The following TRIO variants were observed in gnomAD, a reference collection of about 807,000 sequenced individuals.
TRIO encodes triple functional domain protein.
TRIO carries 58 observed loss-of-function variants against 351.9 expected under a neutral mutation model. The observed-to-expected ratio is 0.16, with a 90% CI of 0.13 to 0.21. The LOEUF is 0.21. TRIO is among the 10% of genes least tolerant of loss of function. The probability of loss-of-function intolerance (pLI) is 1.00; values close to 1 mark genes in which losing one functional copy is unlikely to be tolerated. For missense variants in TRIO, 3,201 were observed against 4,027.8 expected, an observed-to-expected ratio of 0.79 and a Z score of 5.56; for synonymous variants, 1,758 against 1,595.7, an observed-to-expected ratio of 1.10 and a Z score of -2.42.
chr5:14,151,069 C>T (rs1389803505), intron 1 of TRIO, among the ~76,000 whole-genome samples: 3 of 152,138 alleles, frequency 2.0e-5, no homozygotes, highest in Admixed American at 6.5e-5. Context: ...TGATCTTCAG[C>T]GCCTCACAGT....
chr5:14,237,877 T>A (rs916132163), intron 1 of TRIO, among the ~76,000 whole-genome samples: 8 of 152,224 alleles, frequency 5.3e-5, no homozygotes, highest in African/African-American at 1.9e-4. Flanking sequence ...AGGTTGCTAC[T>A]ATTTGAGGTA....
At chr5:14,219,995 T>A (rs1792494256) in intron 1 of TRIO, among the ~76,000 whole-genome samples, 1 of 151,634 alleles carries the variant, frequency 6.6e-6, no homozygotes, top group South Asian at 2.1e-4. Flanking sequence ...TTTTTGCACT[T>A]TGTTCTATTG....
chr5:14,204,853 C>A (rs1332990615), intron 1 of TRIO, among the ~76,000 whole-genome samples: 1 of 152,198 alleles, frequency 6.6e-6, no homozygotes, highest in African/African-American at 2.4e-5. Context: ...ATTCACTGGG[C>A]TGTTCGGATG....
At chr5:14,149,797 A>G (rs925426443) in intron 1 of TRIO, among the ~76,000 whole-genome samples, 18 of 152,198 alleles carry the variant, frequency 1.2e-4, no homozygotes, top group African/African-American at 4.3e-4. Context: ...TTTGTCATCA[A>G]TGAGTGCATT....
At chr5:14,421,227 A>ATTTATTTATTTATTTTATTTTAT in intron 34 of TRIO, among the ~76,000 whole-genome samples, 1 of 118,084 alleles carries the variant, frequency 8.5e-6, no homozygotes, top group Non-Finnish European at 1.7e-5. Context: ...TTATTTATTT[A>ATTTATTTATTTATTTTATTTTAT]TTTATTTTAT....
Position 14,387,864 on chromosome 5 carries a change from G to A in TRIO, c.3881+17G>A, listed in dbSNP as rs2152361918. The A allele has an allele frequency of 1.9e-6, 3 of 1,610,452 alleles. No homozygotes were observed. Among genetic ancestry groups the A allele is most frequent in the East Asian group, 2.2e-5 (1 of 44,864 alleles). On this transcript the variant is annotated intron_variant, in intron 23 of 56. Transcript: ENST00000344204. ...CAGGAAAGAGTAAGCCAGTCTTTCA[G>A]AATCTACCAGGATTCACTGGAAAAG...
At chr5:14,424,645 C>CAAGATCAGCTCTCAGG (rs1308427632) in intron 34 of TRIO, among the ~76,000 whole-genome samples, 2 of 152,164 alleles carry the variant, frequency 1.3e-5, no homozygotes, top group African/African-American at 4.8e-5. Context: ...TGGGCACTAC[C>CAAGATCAGCTCTCAGG]AAGATCAGCT....
chr5:14,294,830 T>C (rs1737206321), intron 6 of TRIO, among the ~76,000 whole-genome samples: 1 of 152,238 alleles, frequency 6.6e-6, no homozygotes, highest in South Asian at 2.1e-4. Context: ...AAGTACTGTA[T>C]AAATGTTAAT....
At chr5:14,373,776 C>T (rs963714728) in intron 18 of TRIO, among the ~76,000 whole-genome samples, 2 of 152,270 alleles carry the variant, frequency 1.3e-5, no homozygotes, top group East Asian at 1.9e-4. Context: ...GTAGTTGTGA[C>T]GGAGAAACAG....
chr5:14,251,480 G>A (rs1017791314), intron 1 of TRIO, among the ~76,000 whole-genome samples: 3 of 152,242 alleles, frequency 2.0e-5, no homozygotes, highest in Non-Finnish European at 2.9e-5. Context: ...ACTGGAGATG[G>A]CAAGGAACAC....
chr5:14,404,939 T>TC (rs1481179902), intron 31 of TRIO, among the ~76,000 whole-genome samples: 2 of 152,204 alleles, frequency 1.3e-5, no homozygotes, highest in Admixed American at 6.5e-5. Context: ...TGTGACCTCA[T>TC]CTACGATGAG....
At position 14,308,099 on chromosome 5, in the gene TRIO, TAC is replaced by T. The variant is rs1302509418; in HGVS notation, c.1500+3509_1500+3510del. ...CGTCTCACTAAGTGGGATGGTTCCT[TAC>T]AGTATTGTATGGTGTTTAGAATTTT... is the stretch of plus-strand genomic sequence containing the variant. On this transcript the variant is annotated intron_variant, in intron 8 of 56. Coordinates refer to ENST00000344204, the MANE Select transcript of TRIO (RefSeq NM_007118.4). Among the ~76,000 whole-genome samples the T allele has an allele frequency of 3.9e-5, 6 of 152,300 alleles. 1 individual carries two copies. Among genetic ancestry groups the T allele is most frequent in the Non-Finnish European group, 8.8e-5 (6 of 68,022 alleles).
At chr5:14,346,145 G>T (rs1742396006) in intron 11 of TRIO, among the ~76,000 whole-genome samples, 1 of 152,140 alleles carries the variant, frequency 6.6e-6, no homozygotes, top group Admixed American at 6.5e-5. Flanking sequence ...TTTGGGTTTT[G>T]TTATCATTTG....
intron 1 of TRIO, among the ~76,000 whole-genome samples, chr5:14,157,208 C>A (rs574423293): frequency 6.6e-6 from 1 of 152,144 alleles, no homozygotes; most frequent in Non-Finnish European, 1.5e-5. Flanking sequence ...CCTTCATTGA[C>A]TAAATATTTC....
intron 1 of TRIO, among the ~76,000 whole-genome samples, chr5:14,192,390 G>A (rs933975896): frequency 6.6e-6 from 1 of 151,992 alleles, no homozygotes; most frequent in African/African-American, 2.4e-5. Flanking sequence ...CTCCTGAGTA[G>A]CTGGGACTAC....
At chr5:14,182,640 T>G (rs1789858082) in intron 1 of TRIO, among the ~76,000 whole-genome samples, 1 of 152,242 alleles carries the variant, frequency 6.6e-6, no homozygotes, top group African/African-American at 2.4e-5. Context: ...TGCCATTAAT[T>G]ATTACACTTG....
In TRIO at chr5:14,368,807, G is replaced by T; in HGVS notation, c.2974G>T (p.Val992Leu). 6.2e-7 allele frequency: 1 copy of T among 1,614,120 alleles called. No individual in the cohort carries two copies. The highest frequency in any genetic ancestry group is 8.5e-7 in the Non-Finnish European group (1 of 1,180,030). The change falls in exon 17 of 57, where the codon GTG becomes TTG. Residue 992 changes from valine (V) to leucine (L), a missense_variant. Coordinates refer to ENST00000344204, the MANE Select transcript of TRIO (RefSeq NM_007118.4). ...MDMIRDCAEKVASHWQQLMLK... is the reference protein window; with the variant it reads ...MDMIRDCAEKLASHWQQLMLK... ...CATGATCCGGGACTGCGCCGAGAAG[G>T]TGGCGTCTCACTGGCAACAGCTCAT...
chr5:14,427,307 T>A (rs1284858568), intron 34 of TRIO, among the ~76,000 whole-genome samples: 1 of 152,014 alleles, frequency 6.6e-6, no homozygotes, highest in South Asian at 2.1e-4. Flanking sequence ...GGAGGCCAGG[T>A]CTCTCCCCTT....
At chr5:14,158,434 A>C (rs1205089523) in intron 1 of TRIO, among the ~76,000 whole-genome samples, 1 of 152,186 alleles carries the variant, frequency 6.6e-6, no homozygotes, top group Non-Finnish European at 1.5e-5. Context: ...AAAAAAAAAA[A>C]AAATCTGGGA....
Sources: gnomAD v4.1 joint callset for allele counts (sites outside exome capture counted in the v4.1 genomes callset) on GRCh38, gnomAD v4.1.1 for gene constraint, MANE v1.5 for transcripts, NCBI Gene and HGNC (gene_info 2026-07-23, HGNC 2026-07-21) for gene names.